GALK2: variants seen among roughly 807,000 people sequenced by gnomAD.
GALK2 encodes the protein galactokinase 2.
In GALK2, 36 loss-of-function variants were observed where a neutral mutation model predicts 52.4. The observed-to-expected ratio is 0.69, with a 90% CI of 0.53 to 0.91. The LOEUF is 0.91. Ranked by LOEUF, GALK2 falls within the 40% of genes least tolerant of loss-of-function variation. GALK2 has a pLI of 0.00. For missense variants in GALK2, 579 were observed against 559.1 expected (o/e 1.04, Z -0.36); for synonymous variants, 176 against 199.1 (o/e 0.88, Z 0.98).
chr15:49,366,092 A>G, intron 3 of GALK2: 1 of 882,482 alleles, frequency 1.1e-6, no homozygotes, highest in Non-Finnish European at 1.9e-6. Flanking sequence ...CACTGCTTTC[A>G]AGTTTTCCAA....
intron 8 of GALK2, among the ~76,000 whole-genome samples, chr15:49,299,750 T>TCTTTCTTTCTTTCTTTC (rs1567037384): frequency 2.2e-5 from 3 of 135,518 alleles, no homozygotes; most frequent in African/African-American, 8.6e-5. Context: ...TTTCTTTCTT[T>TCTTTCTTTCTTTCTTTC]CTTTCTTTCT....
chr15:49,339,853 C>T (rs1375021165), intron 3 of GALK2, among the ~76,000 whole-genome samples: 2 of 152,116 alleles, frequency 1.3e-5, no homozygotes, highest in East Asian at 3.9e-4. Flanking sequence ...GAGGCAGCAG[C>T]GGCCTTGCTG....
At chr15:49,366,621 G>C in intron 3 of GALK2, 1 of 1,590,780 alleles carries the variant, frequency 6.3e-7, no homozygotes, top group East Asian at 2.2e-5. Context: ...GCGGCTGTCA[G>C]CTGGAGCAGG....
intron 5 of GALK2, among the ~76,000 whole-genome samples, chr15:49,268,329 G>A (rs1369217579): frequency 1.3e-5 from 2 of 152,226 alleles, no homozygotes; most frequent in Non-Finnish European, 2.9e-5. Context: ...GAAAGGCTTT[G>A]TGGTGTCAGT....
Position 49,329,674 on chromosome 15 carries a change from G to A in GALK2, c.*1515G>A. The A allele has an allele frequency of 2.0e-6, 2 of 982,576 alleles. No individual in the cohort carries two copies. The highest frequency in any genetic ancestry group is 2.4e-6 in the Non-Finnish European group (2 of 827,434). 60.9% of individuals were successfully genotyped at this position (982,576 alleles called of 1,614,324 possible). A position where few individuals can be genotyped will look rare whatever the true frequency, so the allele number is the denominator to read the frequency against. ...GAGTCAAATTTGTTAAAAGAATTTT[G>A]AGTTCTATAAATCCAAAAATCTGAA... On this transcript the variant is annotated 3_prime_UTR_variant, in exon 10 of 10. Transcript: ENST00000560031.
intron 3 of GALK2, among the ~76,000 whole-genome samples, chr15:49,232,624 C>T (rs2090564226): frequency 6.6e-6 from 1 of 152,184 alleles, no homozygotes; most frequent in Non-Finnish European, 1.5e-5. Flanking sequence ...GTTTCAGTTT[C>T]AGGTCATTTC....
intron 8 of GALK2, among the ~76,000 whole-genome samples, chr15:49,293,117 G>A (rs1305436988): frequency 6.6e-6 from 1 of 152,082 alleles, no homozygotes; most frequent in East Asian, 1.9e-4. Flanking sequence ...TCAGTACTGG[G>A]GGCAAGGACA....
At chr15:49,222,430 G>A (rs1020418802) in intron 3 of GALK2, among the ~76,000 whole-genome samples, 2 of 152,046 alleles carry the variant, frequency 1.3e-5, no homozygotes, top group Non-Finnish European at 2.9e-5. Flanking sequence ...CTAGTATTAT[G>A]TTGACTAGGA....
At chr15:49,156,355 G>A in intron 1 of GALK2, 1 of 408,380 alleles carries the variant, frequency 2.4e-6, no homozygotes, top group South Asian at 2.2e-5. Context: ...CGCGGGATCA[G>A]GAATTTCAAG....
At chr15:49,247,396 A>C (rs2091403098) in intron 5 of GALK2, among the ~76,000 whole-genome samples, 1 of 152,152 alleles carries the variant, frequency 6.6e-6, no homozygotes, top group African/African-American at 2.4e-5. Context: ...GGAGTATTAT[A>C]CCATACCCCT....
chr15:49,358,791 G>A (rs1406875102), intron 3 of GALK2, among the ~76,000 whole-genome samples: 8 of 152,110 alleles, frequency 5.3e-5, no homozygotes, highest in Non-Finnish European at 8.8e-5. Flanking sequence ...TCAAACTTAA[G>A]CCAGAAGAAC....
rs189044986 is a variant in GALK2 at position 49,204,974 on chromosome 15, T to C, written c.142+3724T>C. Among the ~76,000 whole-genome samples the C allele has an allele frequency of 1.3e-4, 20 of 152,336 alleles. No homozygotes were observed. In the East Asian group the frequency reaches 3.7e-3, roughly 28 times the overall value. ...TGTTTGGTTTTCCATTTCTGAGTTA[T>C]TTAACTTAGAATAATAGTCTCCAGT... On this transcript the variant is annotated intron_variant, in intron 2 of 9. Transcript: ENST00000560031.
chr15:49,363,764 T>G (rs1207882794), intron 3 of GALK2, among the ~76,000 whole-genome samples: 1 of 152,146 alleles, frequency 6.6e-6, no homozygotes, highest in East Asian at 1.9e-4. Context: ...CATAGATGGC[T>G]CTTATTATTT....
intron 5 of GALK2, among the ~76,000 whole-genome samples, chr15:49,252,547 T>C (rs1318084293): frequency 1.3e-5 from 2 of 152,198 alleles, no homozygotes; most frequent in African/African-American, 4.8e-5. Context: ...AATATTTCTT[T>C]ATAAGGATAT....
At chr15:49,245,904 T>C (rs1212347368) in intron 5 of GALK2, among the ~76,000 whole-genome samples, 2 of 152,200 alleles carry the variant, frequency 1.3e-5, no homozygotes, top group Non-Finnish European at 2.9e-5. Flanking sequence ...AATATGGTTG[T>C]TAACAAGCAG....
chr15:49,207,218 A>G (rs112863970), intron 2 of GALK2, among the ~76,000 whole-genome samples: 9,193 of 152,194 alleles, frequency 0.06, 553 homozygotes, highest in African/African-American at 0.15. Flanking sequence ...ACTTTTTGAT[A>G]TATTGTTGGA....
chr15:49,170,422 C>T, intron 1 of GALK2, 47 bp downstream of exon 1: 2 of 1,548,416 alleles, frequency 1.3e-6, no homozygotes, highest in Non-Finnish European at 1.7e-6. Context: ...GGGTTGGCTA[C>T]GTGTAGATCG....
intron 2 of GALK2, among the ~76,000 whole-genome samples, chr15:49,210,660 C>T (rs1435574697): frequency 6.6e-6 from 1 of 151,878 alleles, no homozygotes; most frequent in Non-Finnish European, 1.5e-5. Context: ...AGGCTGGTCG[C>T]GAACTCCTGA....
At position 49,170,370 on chromosome 15, in the gene GALK2, T is replaced by A; in HGVS notation, c.48T>A (p.His16Gln). The A allele has an allele frequency of 6.3e-7, 1 of 1,590,722 alleles. No individual in the cohort carries two copies. The highest frequency in any genetic ancestry group is 1.8e-5 in the Admixed American group (1 of 56,522). Reference sequence around the variant, plus strand: ...CGCGTCGGGTCCAGGTGGCAGAACATCCTAGGTGGGGGAGAGGAGACGCCG... The same window carrying A: ...CGCGTCGGGTCCAGGTGGCAGAACAACCTAGGTGGGGGAGAGGAGACGCCG... ...PATRRVQVAE[H>Q]PRLLKLKEMF... The change falls in exon 1 of 10, where the codon CAT (histidine) becomes CAA (glutamine). Residue 16 changes from histidine to glutamine, a missense_variant. Coordinates refer to ENST00000560031, the MANE Select transcript of GALK2 (RefSeq NM_002044.4).
Sources: allele counts gnomAD v4.1 joint callset (sites outside exome capture counted in the v4.1 genomes callset), GRCh38; gene constraint gnomAD v4.1.1; transcripts MANE v1.5; gene names NCBI Gene and HGNC (gene_info 2026-07-23, HGNC 2026-07-21).